The following SLC6A5 variants were observed in gnomAD, a reference collection of about 807,000 sequenced individuals.
SLC6A5 encodes solute carrier family 6 member 5.
SLC6A5 carries 58 observed loss-of-function variants against 90.5 expected under a neutral mutation model. The observed-to-expected ratio is 0.64, with a 90% CI of 0.52 to 0.80. SLC6A5 has a LOEUF of 0.80. Among genes scored for constraint, SLC6A5 ranks in the 30% least tolerant of loss-of-function variants. SLC6A5 has a pLI of 0.00. For missense variants in SLC6A5, 1,015 were observed against 1,017.6 expected (o/e 1.00, Z 0.03); for synonymous variants, 427 against 401.4 (o/e 1.06, Z -0.76).
chr11:20,614,045 A>G (rs1852740225), intron 5 of SLC6A5, among the ~76,000 whole-genome samples: 1 of 152,054 alleles, frequency 6.6e-6, no homozygotes, highest in African/African-American at 2.4e-5. Flanking sequence ...TCCCCGGTAG[A>G]CGGCGTGGTT....
intron 14 of SLC6A5, among the ~76,000 whole-genome samples, chr11:20,649,027 T>C (rs1402579090): frequency 6.6e-6 from 1 of 152,182 alleles, no homozygotes; most frequent in Non-Finnish European, 1.5e-5. Flanking sequence ...TTCAAGCCAA[T>C]ACCTATATAT....
intron 5 of SLC6A5, among the ~76,000 whole-genome samples, chr11:20,612,939 A>G (rs1202597017): frequency 2.0e-5 from 3 of 152,184 alleles, no homozygotes; most frequent in Non-Finnish European, 4.4e-5. Flanking sequence ...AACATCTGGA[A>G]AAGCTTGGCA....
At chr11:20,607,756 T>C in intron 5 of SLC6A5, 104 bp downstream of exon 5, 5 of 872,300 alleles carry the variant, frequency 5.7e-6, no homozygotes, top group Non-Finnish European at 7.5e-6. Context: ...TATACTAGGT[T>C]CTGGGAACAC....
rs1020176409 is a variant in SLC6A5, at chr11:20,651,363, TC to T, written c.2071-923del. Among the ~76,000 whole-genome samples, 74 of 149,240 alleles carry T rather than the reference TC, an allele frequency of 5.0e-4. 3 individuals are homozygous for T. The highest frequency in any genetic ancestry group is 1.8e-3 in the African/African-American group (71 of 40,540). On this transcript the variant is annotated intron_variant, in intron 14 of 15. Coordinates refer to ENST00000525748, the MANE Select transcript of SLC6A5 (RefSeq NM_004211.5). ...ATCTCGGCTTACTGCAGCCTCTGCC[TC>T]CCAGGTTCAAGCAATTCTCCTGCCT...
intron 5 of SLC6A5, among the ~76,000 whole-genome samples, chr11:20,612,440 TCACA>T (rs1436218858): frequency 2.0e-5 from 3 of 152,288 alleles, no homozygotes; most frequent in Admixed American, 6.5e-5. Flanking sequence ...ACGCCTGAAC[TCACA>T]TTCTTGCCCT....
intron 7 of SLC6A5, among the ~76,000 whole-genome samples, chr11:20,626,408 C>T (rs1852995441): frequency 6.6e-6 from 1 of 151,986 alleles, no homozygotes; most frequent in Non-Finnish European, 1.5e-5. Flanking sequence ...TCTGTGGTCC[C>T]CTAAGGAGTT....
chr11:20,619,181 A>G (rs908008101), intron 7 of SLC6A5, among the ~76,000 whole-genome samples: 1 of 152,172 alleles, frequency 6.6e-6, no homozygotes, highest in African/African-American at 2.4e-5. Flanking sequence ...GATTTCTGCG[A>G]TTATGTTACA....
At chr11:20,612,485 G>A (rs763317027) in intron 5 of SLC6A5, among the ~76,000 whole-genome samples, 3 of 152,198 alleles carry the variant, frequency 2.0e-5, no homozygotes, top group African/African-American at 7.2e-5. Context: ...CATAAAATGG[G>A]AGTCCATGCA....
At chr11:20,620,391 G>T (rs1016752215) in intron 7 of SLC6A5, among the ~76,000 whole-genome samples, 30 of 152,178 alleles carry the variant, frequency 2.0e-4, no homozygotes, top group Admixed American at 1.8e-3. Context: ...CTGTAAATAG[G>T]GGATAATAGT....
chr11:20,641,759 T>C lies in SLC6A5; in HGVS notation c.1969+3201T>C, dbSNP rs192881249. Among the ~76,000 whole-genome samples the C allele has an allele frequency of 3.0e-3, 451 of 152,152 alleles. 3 individuals carry two copies. The highest frequency in any genetic ancestry group is 0.011 in the African/African-American group (437 of 41,498). On this transcript the variant is annotated intron_variant, in intron 13 of 15. Transcript: ENST00000525748. ...TGTGTGTGAGTATGTCATGTGGGCT[T>C]TTAAGAATGTGGAGAGGGTGGGATA...
Position 20,627,703 on chromosome 11 carries a change from C to T in SLC6A5, c.1396-277C>T, listed in dbSNP as rs10833370. Among the ~76,000 whole-genome samples the T allele has an allele frequency of 0.32, 48,583 of 152,128 alleles. 8,144 individuals are homozygous for T. Among genetic ancestry groups the T allele is most frequent in the Middle Eastern group, 0.45 (133 of 294 alleles). Reference sequence around the variant, plus strand: ...GACCTAAAGGAAGGACTCTCCCTTCCGTTTAGCTTTACAGGAGAGAACATA... The same window carrying T: ...GACCTAAAGGAAGGACTCTCCCTTCTGTTTAGCTTTACAGGAGAGAACATA... On this transcript the variant is annotated intron_variant, in intron 8 of 15. Coordinates refer to ENST00000525748, the MANE Select transcript of SLC6A5 (RefSeq NM_004211.5).
At chr11:20,646,451 T>G (rs553970876) in intron 13 of SLC6A5, among the ~76,000 whole-genome samples, 22 of 152,326 alleles carry the variant, frequency 1.4e-4, no homozygotes, top group African/African-American at 4.8e-4. Flanking sequence ...CTCTGTTTAT[T>G]GACCACAGTC....
chr11:20,637,632 A>C (rs117576289), intron 12 of SLC6A5, among the ~76,000 whole-genome samples: 2,217 of 152,330 alleles, frequency 0.015, 20 homozygotes, highest in Non-Finnish European at 0.026. Context: ...GGATTGCTTG[A>C]GGCCAGGAGT....
rs1565285393 is a variant in SLC6A5, at chr11:20,637,256, G to T, written c.1822G>T (p.Gly608Cys). 2.5e-6 allele frequency: 4 copies of T among 1,613,790 alleles called. No homozygotes were observed. The Admixed American group carries it at 6.7e-5, about 27-fold the overall frequency. Residue 608 changes from glycine to cysteine, a missense_variant, in exon 12 of 16, where the codon GGC becomes TGC. By Grantham distance (159) the Gly-to-Cys change is radical. This residue lies in a region of SLC6A5 where 442 missense variants were observed against 494.3 expected (regional missense o/e 0.89). Coordinates refer to ENST00000525748, the MANE Select transcript of SLC6A5 (RefSeq NM_004211.5). Reference protein sequence around the residue: ...LRTHKPVFTLGCCICFFIMGF... With the variant: ...LRTHKPVFTLCCCICFFIMGF... ...CACACACAAGCCAGTGTTTACTCTGGGCTGCTGCATTTGTTTCTTCATCAT... is the reference window on the plus strand; with the variant it reads ...CACACACAAGCCAGTGTTTACTCTGTGCTGCTGCATTTGTTTCTTCATCAT...
At chr11:20,625,314 T>G (rs1408225025) in intron 7 of SLC6A5, among the ~76,000 whole-genome samples, 1 of 152,258 alleles carries the variant, frequency 6.6e-6, no homozygotes, top group African/African-American at 2.4e-5. Context: ...CAGTCTGGAG[T>G]GCAATGGCGT....
At chr11:20,641,751 T>C (rs535622780) in intron 13 of SLC6A5, among the ~76,000 whole-genome samples, 15 of 152,240 alleles carry the variant, frequency 9.9e-5, no homozygotes, top group African/African-American at 3.6e-4. Flanking sequence ...GAGTATGTCA[T>C]GTGGGCTTTT....
chr11:20,640,277 G>A (rs1313627375), intron 13 of SLC6A5, among the ~76,000 whole-genome samples: 1 of 152,174 alleles, frequency 6.6e-6, no homozygotes, highest in Non-Finnish European at 1.5e-5. Flanking sequence ...ACTGCTGATT[G>A]CCACAAAGGG....
At chr11:20,646,728 GC>G in intron 13 of SLC6A5, 105 bp from the exon 14 acceptor site, 2 of 782,772 alleles carry the variant, frequency 2.6e-6, no homozygotes. Flanking sequence ...GCTGGGGCCA[GC>G]CCTAGCCAAT....
rs533802613 is a variant in SLC6A5, at chr11:20,630,248, A to G, written c.1500-443A>G. 3.9e-4 allele frequency among the ~76,000 whole-genome samples: 59 copies of G among 152,310 alleles called. No homozygotes were observed. In the South Asian group the frequency reaches 0.011, roughly 28 times the overall value. ...GATGGCACCTTGTTGCTGTGTCTTC[A>G]TATGGTGGAAGAGGCAGACACATTC... On this transcript the variant is annotated intron_variant, in intron 9 of 15. Transcript: ENST00000525748.
Sources: allele counts gnomAD v4.1 joint callset (sites outside exome capture counted in the v4.1 genomes callset), GRCh38; gene constraint gnomAD v4.1.1; regional missense constraint gnomAD v4.1.1; transcripts MANE v1.5; gene names NCBI Gene and HGNC (gene_info 2026-07-23, HGNC 2026-07-21).